TENM4: variants seen among roughly 807,000 people sequenced by gnomAD.
TENM4 encodes the protein teneurin transmembrane protein 4.
In TENM4, 82 loss-of-function variants were observed where a neutral mutation model predicts 243.3. That is an observed-to-expected ratio of 0.34 (90% CI 0.28 to 0.40). The LOEUF (loss-of-function observed/expected upper bound fraction) is 0.40, where lower values mean the gene tolerates loss of function less well. TENM4 is among the 10% of genes least tolerant of loss of function. TENM4 has a pLI of 1.00. For synonymous variants in TENM4, 1,412 were observed against 1,456.3 expected (o/e 0.97, Z 0.69); for missense variants, 3,138 against 3,673.3 (o/e 0.85, Z 3.77).
In TENM4 at chr11:78,757,477, G is replaced by A. The variant is rs78357392; in HGVS notation, c.2540-456C>T. Among the ~76,000 whole-genome samples the A allele has an allele frequency of 3.8e-3, 581 of 152,358 alleles. 2 individuals are homozygous for A. The highest frequency in any genetic ancestry group is 0.013 in the African/African-American group (547 of 41,584). On this transcript the variant is annotated intron_variant, in intron 18 of 33. Transcript: ENST00000278550. ...CACCCTCAGAACAATGGGAATCACC[G>A]AAGGCTTTTAAGCAGGAGGTGACTT...
At chr11:78,842,209 C>A (rs1443166194) in intron 12 of TENM4, among the ~76,000 whole-genome samples, 2 of 152,208 alleles carry the variant, frequency 1.3e-5, no homozygotes, top group Non-Finnish European at 2.9e-5. Context: ...CTCCTTATTT[C>A]CTAATGTAAT....
chr11:78,990,263 G>A (rs1272133637), intron 6 of TENM4, among the ~76,000 whole-genome samples: 1 of 152,144 alleles, frequency 6.6e-6, no homozygotes, highest in Non-Finnish European at 1.5e-5. Context: ...TGGCTGAGCT[G>A]TATTTGGAAC....
At chr11:78,985,610 G>A (rs992338453) in intron 6 of TENM4, among the ~76,000 whole-genome samples, 5 of 152,074 alleles carry the variant, frequency 3.3e-5, no homozygotes, top group Non-Finnish European at 7.4e-5. Flanking sequence ...TACATTTTTT[G>A]TGTTGTTTAT....
At chr11:79,192,477 T>C (rs1158283071) in intron 3 of TENM4, among the ~76,000 whole-genome samples, 1 of 152,184 alleles carries the variant, frequency 6.6e-6, no homozygotes, top group Non-Finnish European at 1.5e-5. Flanking sequence ...CCCCCAACCC[T>C]GTGCTCTCTG....
chr11:78,987,503 C>T (rs1258284121), intron 6 of TENM4, among the ~76,000 whole-genome samples: 1 of 152,160 alleles, frequency 6.6e-6, no homozygotes, highest in Non-Finnish European at 1.5e-5. Flanking sequence ...TAGGTGAGTG[C>T]ATGAAGGAAT....
chr11:79,201,256 C>A (rs1863731188), intron 3 of TENM4, among the ~76,000 whole-genome samples: 1 of 152,094 alleles, frequency 6.6e-6, no homozygotes, highest in South Asian at 2.1e-4. Flanking sequence ...AGTGTTGACA[C>A]TGGTGGTCCA....
intron 22 of TENM4, among the ~76,000 whole-genome samples, chr11:78,728,315 A>C (rs1476809933): frequency 6.6e-6 from 1 of 152,184 alleles, no homozygotes; most frequent in Non-Finnish European, 1.5e-5. Context: ...TCTGGGCCTC[A>C]GCTTCTTAAT....
chr11:78,997,181 G>T (rs7950630), intron 6 of TENM4, among the ~76,000 whole-genome samples: 34,103 of 152,068 alleles, frequency 0.22, 5,426 homozygotes, highest in African/African-American at 0.45. Flanking sequence ...CATGGTAAAT[G>T]CTCAATAAGT....
At chr11:79,322,105 C>T (rs1856900476) in intron 1 of TENM4, among the ~76,000 whole-genome samples, 1 of 152,208 alleles carries the variant, frequency 6.6e-6, no homozygotes, top group Non-Finnish European at 1.5e-5. Flanking sequence ...TACATCCCCT[C>T]TTGTGACTTA....
At chr11:78,931,614 T>G (rs1258029252) in intron 6 of TENM4, among the ~76,000 whole-genome samples, 1 of 152,162 alleles carries the variant, frequency 6.6e-6, no homozygotes, top group South Asian at 2.1e-4. Flanking sequence ...CAAAATCAAG[T>G]GAAGTAGGTG....
intron 6 of TENM4, among the ~76,000 whole-genome samples, chr11:78,962,389 T>C (rs944887747): frequency 7.5e-6 from 1 of 133,402 alleles, no homozygotes; most frequent in African/African-American, 2.9e-5. Context: ...ACAGAAAAAA[T>C]AATGAAAATT....
chr11:79,384,629 A>G (rs1488143428), intron 1 of TENM4, among the ~76,000 whole-genome samples: 2 of 152,160 alleles, frequency 1.3e-5, no homozygotes, highest in East Asian at 3.9e-4. Context: ...CAGCTTAACA[A>G]TAACCCACAA....
At chr11:79,129,375 G>A (rs1161630389) in intron 4 of TENM4, among the ~76,000 whole-genome samples, 5 of 152,160 alleles carry the variant, frequency 3.3e-5, no homozygotes, top group Non-Finnish European at 7.4e-5. Flanking sequence ...AAGGCTCCTG[G>A]CCAGAACTTG....
chr11:78,821,727 T>G (rs1857738659), intron 12 of TENM4, among the ~76,000 whole-genome samples: 1 of 152,222 alleles, frequency 6.6e-6, no homozygotes, highest in South Asian at 2.1e-4. Flanking sequence ...TTATGACATC[T>G]GTTTAAAAAT....
intron 9 of TENM4, among the ~76,000 whole-genome samples, chr11:78,865,961 T>C (rs1858964087): frequency 6.6e-6 from 1 of 152,246 alleles, no homozygotes; most frequent in South Asian, 2.1e-4. Context: ...GTGATAACTA[T>C]ACGTGATAAC....
intron 16 of TENM4, among the ~76,000 whole-genome samples, chr11:78,783,112 A>C (rs1006215960): frequency 2.6e-5 from 4 of 152,222 alleles, no homozygotes; most frequent in African/African-American, 9.6e-5. Context: ...AAAAACCATG[A>C]TAGAATTGAT....
intron 6 of TENM4, among the ~76,000 whole-genome samples, chr11:78,981,057 GC>G (rs1456185044): frequency 6.6e-6 from 1 of 152,128 alleles, no homozygotes; most frequent in Non-Finnish European, 1.5e-5. Flanking sequence ...CATGTATACG[GC>G]TTTGCAGAGA....
chr11:78,726,269 C>T, intron 22 of TENM4, 47 bp from the exon 23 acceptor site: 2 of 1,598,156 alleles, frequency 1.3e-6, no homozygotes, highest in South Asian at 1.1e-5. Context: ...GCAAAGCCCA[C>T]TCTTTGGCCT....
At chr11:79,184,611 C>T (rs1218510119) in intron 3 of TENM4, among the ~76,000 whole-genome samples, 1 of 152,076 alleles carries the variant, frequency 6.6e-6, no homozygotes, top group East Asian at 1.9e-4. Flanking sequence ...GGGAAAGAAG[C>T]CAATCACAAA....
Sources: gnomAD v4.1 joint callset for allele counts (sites outside exome capture counted in the v4.1 genomes callset) on GRCh38, gnomAD v4.1.1 for gene constraint, MANE v1.5 for transcripts, NCBI Gene and HGNC (gene_info 2026-07-23, HGNC 2026-07-21) for gene names.